XYLT1: variants seen among roughly 807,000 people sequenced by gnomAD.
XYLT1 encodes the protein xylosyltransferase 1.
XYLT1 carries 36 observed loss-of-function variants against 91.3 expected under a neutral mutation model. The observed-to-expected ratio is 0.39, with a 90% CI of 0.30 to 0.52. XYLT1 has a LOEUF of 0.52. Among genes scored for constraint, XYLT1 ranks in the 20% least tolerant of loss-of-function variants. The pLI is 0.68. For synonymous variants in XYLT1, 588 were observed against 532.0 expected, an observed-to-expected ratio of 1.11 and a Z score of -1.45; for missense variants, 1,242 against 1,284.5, an observed-to-expected ratio of 0.97 and a Z score of 0.51.
intron 3 of XYLT1, among the ~76,000 whole-genome samples, chr16:17,228,899 A>T (rs1352650209): frequency 6.6e-6 from 1 of 152,176 alleles, no homozygotes; most frequent in Non-Finnish European, 1.5e-5. Flanking sequence ...ACTCAGAGAG[A>T]TTAAGGCATT....
intron 3 of XYLT1, among the ~76,000 whole-genome samples, chr16:17,208,000 T>C (rs914404721): frequency 1.3e-5 from 2 of 152,192 alleles, no homozygotes. Context: ...TCTTTTTCTT[T>C]TTCAGAGATT....
chr16:17,180,162 G>T (rs562426031), intron 5 of XYLT1, among the ~76,000 whole-genome samples: 1 of 152,196 alleles, frequency 6.6e-6, no homozygotes, highest in Non-Finnish European at 1.5e-5. Flanking sequence ...TCTCCCGGTC[G>T]CTCAGTTCAT....
At chr16:17,247,356 G>A (rs2033454289) in intron 3 of XYLT1, among the ~76,000 whole-genome samples, 1 of 152,018 alleles carries the variant, frequency 6.6e-6, no homozygotes, top group Admixed American at 6.6e-5. Flanking sequence ...GCAGCTACTG[G>A]GCAAGAACTC....
At chr16:17,410,395 G>A (rs552549708) in intron 1 of XYLT1, among the ~76,000 whole-genome samples, 48 of 152,308 alleles carry the variant, frequency 3.2e-4, no homozygotes, top group African/African-American at 7.7e-4. Flanking sequence ...AACCATGGCA[G>A]AAGATGAAAA....
At chr16:17,214,890 G>T (rs919349636) in intron 3 of XYLT1, among the ~76,000 whole-genome samples, 2 of 152,158 alleles carry the variant, frequency 1.3e-5, no homozygotes, top group East Asian at 3.9e-4. Context: ...CCAAAATGTT[G>T]TTTAATCTCA....
chr16:17,241,216 C>A (rs557482041), intron 3 of XYLT1, among the ~76,000 whole-genome samples: 1 of 152,224 alleles, frequency 6.6e-6, no homozygotes, highest in Non-Finnish European at 1.5e-5. Context: ...TCCTTGATAG[C>A]GTTTCATGCA....
intron 8 of XYLT1, among the ~76,000 whole-genome samples, chr16:17,136,657 G>T (rs553235937): frequency 6.6e-6 from 1 of 151,662 alleles, no homozygotes. Context: ...CTGCGATTCC[G>T]ACCATAGCTG....
chr16:17,132,000 G>C (rs529686897), intron 9 of XYLT1, among the ~76,000 whole-genome samples: 1 of 139,814 alleles, frequency 7.2e-6, no homozygotes, highest in East Asian at 2.2e-4. Context: ...CAACGTGACG[G>C]CTCACTTCAT....
At chr16:17,151,191 C>T (rs143813126) in intron 6 of XYLT1, among the ~76,000 whole-genome samples, 4,335 of 152,136 alleles carry the variant, frequency 0.028, 105 homozygotes, top group Admixed American at 0.068. Context: ...TTTGGGAGGC[C>T]GAGGCAGGCG....
At chr16:17,455,189 G>A (rs955891001) in intron 1 of XYLT1, among the ~76,000 whole-genome samples, 31 of 152,088 alleles carry the variant, frequency 2.0e-4, no homozygotes, top group Admixed American at 1.9e-3. Flanking sequence ...GGACGTGGCC[G>A]GGATCCCGGG....
At chr16:17,459,847 A>G (rs2036792966) in intron 1 of XYLT1, among the ~76,000 whole-genome samples, 1 of 152,156 alleles carries the variant, frequency 6.6e-6, no homozygotes, top group African/African-American at 2.4e-5. Context: ...ATGGATGAGT[A>G]GGTGGGAAAT....
intron 3 of XYLT1, among the ~76,000 whole-genome samples, chr16:17,216,680 A>G (rs1373801215): frequency 6.6e-6 from 1 of 152,212 alleles, no homozygotes; most frequent in Non-Finnish European, 1.5e-5. Flanking sequence ...CAAACCTATG[A>G]GGTCCTGCTA....
intron 1 of XYLT1, among the ~76,000 whole-genome samples, chr16:17,456,705 G>C (rs570027612): frequency 6.6e-5 from 10 of 152,126 alleles, no homozygotes; most frequent in Non-Finnish European, 1.3e-4. Flanking sequence ...ACATCTTTCT[G>C]TGCGGCACAT....
At chr16:17,119,917 G>T (rs2029986639) in intron 10 of XYLT1, among the ~76,000 whole-genome samples, 1 of 152,158 alleles carries the variant, frequency 6.6e-6, no homozygotes, top group African/African-American at 2.4e-5. Flanking sequence ...CCTACCAGGG[G>T]TGGCTGCCAT....
intron 3 of XYLT1, among the ~76,000 whole-genome samples, chr16:17,229,221 C>A (rs2033119282): frequency 6.6e-6 from 1 of 152,158 alleles, no homozygotes; most frequent in Non-Finnish European, 1.5e-5. Context: ...AGGTGAGATT[C>A]CAGAACTGAC....
intron 5 of XYLT1, among the ~76,000 whole-genome samples, chr16:17,167,958 CA>C (rs1256586889): frequency 1.3e-5 from 2 of 152,206 alleles, no homozygotes; most frequent in Non-Finnish European, 2.9e-5. Context: ...CTCCACACTC[CA>C]GACGGTTTAT....
At chr16:17,129,756 TTAATTTACACTGAAG>T (rs1428446700) in intron 9 of XYLT1, among the ~76,000 whole-genome samples, 1 of 152,164 alleles carries the variant, frequency 6.6e-6, no homozygotes, top group Non-Finnish European at 1.5e-5. Flanking sequence ...TTAGTTTTAG[TTAATTTACACTGAAG>T]TAGCCACTTG....
At chr16:17,120,941 A>G (rs2030029649) in intron 10 of XYLT1, among the ~76,000 whole-genome samples, 1 of 152,188 alleles carries the variant, frequency 6.6e-6, no homozygotes, top group South Asian at 2.1e-4. Context: ...TTAATCTGTC[A>G]ACTCTATTGT....
At chr16:17,283,495 C>T (rs528539458) in intron 2 of XYLT1, among the ~76,000 whole-genome samples, 1 of 152,064 alleles carries the variant, frequency 6.6e-6, no homozygotes, top group African/African-American at 2.4e-5. Flanking sequence ...CGCACACACT[C>T]CTCGCCTGCC....
Sources: allele counts gnomAD v4.1 joint callset (sites outside exome capture counted in the v4.1 genomes callset), GRCh38; gene constraint gnomAD v4.1.1; transcripts MANE v1.5; gene names NCBI Gene and HGNC (gene_info 2026-07-23, HGNC 2026-07-21).